The following CEP128 variants were observed in gnomAD, a reference collection of about 807,000 sequenced individuals.
CEP128 encodes the protein centrosomal protein 128kDa.
Under a neutral mutation model 156.7 loss-of-function variants are expected in CEP128, and 132 were observed. The ratio of observed to expected loss-of-function variants is 0.84; its 90% confidence interval spans 0.73 to 0.97. CEP128 has a LOEUF of 0.97. Among genes scored for constraint, CEP128 ranks in the 50% least tolerant of loss-of-function variants. The pLI, the probability that CEP128 is intolerant of heterozygous loss-of-function variation, is 0.00. For synonymous variants in CEP128, 469 were observed against 448.9 expected (o/e 1.04, Z -0.57); for missense variants, 1,252 against 1,281.9 (o/e 0.98, Z 0.36).
chr14:80,934,920 A>G (rs1285450292), intron 2 of CEP128, among the ~76,000 whole-genome samples: 1 of 152,230 alleles, frequency 6.6e-6, no homozygotes, highest in African/African-American at 2.4e-5. Flanking sequence ...TATTGAAATA[A>G]TAATAGCTAT....
chr14:80,937,288 T>TG, intron 2 of CEP128, among the ~76,000 whole-genome samples: 1 of 152,350 alleles, frequency 6.6e-6, no homozygotes, highest in East Asian at 1.9e-4. Flanking sequence ...ACCACTGCAC[T>TG]TCAGCCTGGG....
chr14:80,833,565 GA>G (rs935697159), intron 12 of CEP128, among the ~76,000 whole-genome samples: 152 of 146,770 alleles, frequency 1.0e-3, no homozygotes, highest in East Asian at 9.4e-3. Context: ...CAAATTTGGG[GA>G]AAAAAAAAAA....
At chr14:80,564,797 G>A (rs1346360747) in intron 20 of CEP128, among the ~76,000 whole-genome samples, 1 of 152,178 alleles carries the variant, frequency 6.6e-6, no homozygotes, top group Non-Finnish European at 1.5e-5. Context: ...AGTGGCTCAC[G>A]CCTGTAATTC....
intron 21 of CEP128, among the ~76,000 whole-genome samples, chr14:80,539,221 G>T (rs1168510468): frequency 6.6e-6 from 1 of 152,186 alleles, no homozygotes; most frequent in Admixed American, 6.5e-5. Flanking sequence ...ACACTCTGAA[G>T]AAGTGTAAAG....
At chr14:80,566,211 A>AG (rs1890902025) in intron 20 of CEP128, among the ~76,000 whole-genome samples, 1 of 152,176 alleles carries the variant, frequency 6.6e-6, no homozygotes, top group African/African-American at 2.4e-5. Context: ...TTCCAAAGTC[A>AG]ACTCTGTTTA....
chr14:80,481,164 G>A (rs1413391202), intron 14 of CEP128, among the ~76,000 whole-genome samples: 3 of 152,132 alleles, frequency 2.0e-5, no homozygotes, highest in African/African-American at 4.8e-5. Flanking sequence ...AGACATACCC[G>A]AGACAGGGAA....
intron 19 of CEP128, among the ~76,000 whole-genome samples, chr14:80,636,622 C>A (rs896656592): frequency 6.6e-6 from 1 of 152,168 alleles, no homozygotes; most frequent in African/African-American, 2.4e-5. Flanking sequence ...TAATCTATCA[C>A]AAGTTTCCTC....
chr14:80,865,296 G>A (rs1048290180), intron 8 of CEP128, among the ~76,000 whole-genome samples: 11 of 152,246 alleles, frequency 7.2e-5, no homozygotes, highest in South Asian at 4.1e-4. Context: ...TCCATTGGGT[G>A]TATATACGTG....
intron 20 of CEP128, among the ~76,000 whole-genome samples, chr14:80,571,143 T>C (rs191973461): frequency 1.3e-5 from 2 of 152,280 alleles, no homozygotes; most frequent in East Asian, 1.9e-4. Flanking sequence ...AGCTGTAATA[T>C]TGTGCAGCTA....
chr14:80,772,529 G>A (rs952431126), intron 16 of CEP128, among the ~76,000 whole-genome samples: 6 of 152,212 alleles, frequency 3.9e-5, no homozygotes, highest in African/African-American at 7.2e-5. Flanking sequence ...CCTGGATGCC[G>A]GACAGGACCT....
At chr14:80,649,598 G>T (rs1424233802) in intron 19 of CEP128, among the ~76,000 whole-genome samples, 2 of 152,068 alleles carry the variant, frequency 1.3e-5, no homozygotes, top group African/African-American at 4.8e-5. Flanking sequence ...TGATTCTATT[G>T]CACCACCTTG....
chr14:80,907,088 A>C (rs1164461019), intron 4 of CEP128, among the ~76,000 whole-genome samples: 1 of 152,250 alleles, frequency 6.6e-6, no homozygotes, highest in Non-Finnish European at 1.5e-5. Context: ...TGAAATGAGC[A>C]GAAAGAAAGG....
chr14:80,764,227 G>C (rs930699993), intron 16 of CEP128, among the ~76,000 whole-genome samples: 4 of 152,114 alleles, frequency 2.6e-5, no homozygotes, highest in Non-Finnish European at 5.9e-5. Context: ...GGCCGGGCGC[G>C]GTGGCTCACG....
At chr14:80,733,869 A>T (rs1036255747) in intron 19 of CEP128, among the ~76,000 whole-genome samples, 1 of 152,232 alleles carries the variant, frequency 6.6e-6, no homozygotes, top group African/African-American at 2.4e-5. Flanking sequence ...TGAAGTTTAG[A>T]ACCCACTAAA....
intron 2 of CEP128, among the ~76,000 whole-genome samples, chr14:80,957,574 G>A (rs571087552): frequency 6.6e-6 from 1 of 152,286 alleles, no homozygotes; most frequent in East Asian, 1.9e-4. Context: ...CTTCTTCAGA[G>A]ACTTCTTTAA....
intron 19 of CEP128, among the ~76,000 whole-genome samples, chr14:80,680,407 C>G (rs1356540184): frequency 6.6e-6 from 1 of 152,148 alleles, no homozygotes; most frequent in Non-Finnish European, 1.5e-5. Flanking sequence ...TGAGCACGGC[C>G]CTCTGCGCTC....
intron 9 of CEP128, among the ~76,000 whole-genome samples, chr14:80,860,937 T>G (rs892810090): frequency 1.3e-5 from 2 of 152,072 alleles, no homozygotes; most frequent in Non-Finnish European, 2.9e-5. Context: ...GAATTCCCAT[T>G]TGTTTTGAAT....
rs1303999813 is a variant in CEP128, at chr14:80,907,141, T to A, written c.235-1060A>T. On this transcript the variant is annotated intron_variant, in intron 4 of 24. Transcript: ENST00000555265. The stretch of plus-strand genomic sequence containing the variant: ...AAGAACAGATGAAACAGAATGTGAG[T>A]CACAAATGAAGCAAACCCTTTTTCA... Among the ~76,000 whole-genome samples, 7 of 152,192 alleles carry A rather than the reference T, an allele frequency of 4.6e-5. 1 individual carries two copies. Among genetic ancestry groups the A allele is most frequent in the African/African-American group, 1.4e-4 (6 of 41,518 alleles).
chr14:80,551,992 C>T (rs1166875744), intron 21 of CEP128, among the ~76,000 whole-genome samples: 2 of 152,090 alleles, frequency 1.3e-5, no homozygotes, highest in South Asian at 2.1e-4. Flanking sequence ...TCATGGAACT[C>T]GGGATGGGTG....
Sources: gnomAD v4.1 joint callset for allele counts (sites outside exome capture counted in the v4.1 genomes callset) on GRCh38, gnomAD v4.1.1 for gene constraint, MANE v1.5 for transcripts, NCBI Gene and HGNC (gene_info 2026-07-23, HGNC 2026-07-21) for gene names.